Variants in ZNF365 observed in about 807,000 individuals in gnomAD.
ZNF365 encodes the protein zinc finger protein 365.
ZNF365 carries 22 observed loss-of-function variants against 35.0 expected under a neutral mutation model. The observed-to-expected ratio is 0.63, with a 90% CI of 0.45 to 0.90. The LOEUF (loss-of-function observed/expected upper bound fraction) is 0.90. ZNF365 is among the 40% of genes least tolerant of loss of function. The pLI, the probability that ZNF365 is intolerant of heterozygous loss-of-function variation, is 0.00. For synonymous variants in ZNF365, 188 were observed against 196.2 expected (o/e 0.96, Z 0.35); for missense variants, 448 against 500.3 (o/e 0.90, Z 1.00).
intron 4 of ZNF365, among the ~76,000 whole-genome samples, chr10:62,466,424 C>G (rs962638331): frequency 1.3e-5 from 2 of 152,190 alleles, no homozygotes; most frequent in African/African-American, 2.4e-5. Flanking sequence ...CATTCACACA[C>G]CCCCTGCCAC....
intron 3 of ZNF365, among the ~76,000 whole-genome samples, chr10:62,427,625 A>T (rs1840270598): frequency 6.6e-6 from 1 of 151,968 alleles, no homozygotes; most frequent in Non-Finnish European, 1.5e-5. Context: ...ACCCCTTAAC[A>T]CTTGGTCATT....
In ZNF365 at chr10:62,401,166, A is replaced by G. The variant is rs1264523151; in HGVS notation, c.*1377A>G. 1 of 958,438 alleles carries G rather than the reference A, an allele frequency of 1.0e-6. No homozygotes were observed. Among genetic ancestry groups the G allele is most frequent in the Non-Finnish European group, 1.2e-6 (1 of 805,390 alleles). The allele number at this position is 958,438 out of a possible 1,614,324, so 59.4% of individuals were successfully genotyped here. On this transcript the variant is annotated 3_prime_UTR_variant, in exon 5 of 5. Transcript: ENST00000395254. ...TATATATAACACATACAAAATATAT[A>G]TGTTAAGTATATTAATAATTTATTT... is the stretch of plus-strand genomic sequence containing the variant.
chr10:62,397,743 G>A (rs541640576), intron 3 of ZNF365, among the ~76,000 whole-genome samples: 1 of 152,294 alleles, frequency 6.6e-6, no homozygotes, highest in African/African-American at 2.4e-5. Context: ...CTCATTTTAG[G>A]AATGATGTAT....
intron 3 of ZNF365, among the ~76,000 whole-genome samples, chr10:62,389,924 G>A (rs2034059210): frequency 6.6e-6 from 1 of 152,002 alleles, no homozygotes; most frequent in Non-Finnish European, 1.5e-5. Flanking sequence ...GCTTCTGAGG[G>A]GGAAGTCACA....
intron 2 of ZNF365, among the ~76,000 whole-genome samples, chr10:62,377,606 A>AAG (rs1167727407): frequency 6.6e-6 from 1 of 152,072 alleles, no homozygotes; most frequent in Non-Finnish European, 1.5e-5. Context: ...CCCACTTGCA[A>AAG]AGAGTTGAGA....
chr10:62,473,342 C>T (rs1309163467), intron 4 of ZNF365, among the ~76,000 whole-genome samples: 1 of 152,168 alleles, frequency 6.6e-6, no homozygotes, highest in Non-Finnish European at 1.5e-5. Context: ...GAAAGAAAGT[C>T]ATCAAACAGG....
At chr10:62,471,713 T>C (rs1476902875) in intron 4 of ZNF365, among the ~76,000 whole-genome samples, 3 of 152,202 alleles carry the variant, frequency 2.0e-5, no homozygotes, top group Non-Finnish European at 1.5e-5. Flanking sequence ...TATTCTCTAA[T>C]TTCCTGCATT....
chr10:62,388,500 A>T lies in ZNF365; in HGVS notation c.848A>T (p.Glu283Val). The T allele has an allele frequency of 2.5e-6, 4 of 1,614,214 alleles. No homozygotes were observed. The highest frequency in any genetic ancestry group is 3.4e-6 in the Non-Finnish European group (4 of 1,180,040). Residue 283 changes from glutamate (E) to valine (V), a missense_variant, in exon 3 of 5, where the codon GAA (glutamate) becomes GTA (valine). This residue lies in a region of ZNF365 where 362 missense variants were observed against 375.7 expected (regional missense o/e 0.96). Coordinates refer to ENST00000395254, the MANE Select transcript of ZNF365 (RefSeq NM_014951.3). ...ATTGAGAATCTGTTACAGCGGGTAG[A>T]ACTGGCGGAGAAGCAGCTTGAGTAC... ...DFIENLLQRVELAEKQLEYYQ... is the reference protein window; with the variant it reads ...DFIENLLQRVVLAEKQLEYYQ...
At chr10:62,375,145 G>A (rs1839297975) in intron 1 of ZNF365, among the ~76,000 whole-genome samples, 1 of 152,170 alleles carries the variant, frequency 6.6e-6, no homozygotes, top group African/African-American at 2.4e-5. Flanking sequence ...AACCTTTCAT[G>A]GAGGAATAGA....
Position 62,445,557 on chromosome 10 carries a change from A to T in ZNF365, c.925-14184A>T, listed in dbSNP as rs144110935. ...GCATGGAGAGCTTTGAAAAAGATGCAGATCCTGAGATCCCACCTATTGAAT... is the reference window on the plus strand; with the variant it reads ...GCATGGAGAGCTTTGAAAAAGATGCTGATCCTGAGATCCCACCTATTGAAT... On this transcript the variant is annotated intron_variant, in intron 3 of 4. Transcript: ENST00000395255. Among the ~76,000 whole-genome samples the T allele has an allele frequency of 3.5e-3, 527 of 152,292 alleles. 3 individuals are homozygous for T. The highest frequency in any genetic ancestry group is 0.01 in the Middle Eastern group (3 of 294).
intron 3 of ZNF365, among the ~76,000 whole-genome samples, chr10:62,412,361 C>T (rs568878902): frequency 1.3e-5 from 2 of 152,190 alleles, no homozygotes; most frequent in African/African-American, 4.8e-5. Context: ...GAAGAATTCC[C>T]CTTGAAAACC....
At chr10:62,417,446 A>C (rs979441772) in intron 3 of ZNF365, among the ~76,000 whole-genome samples, 1 of 152,060 alleles carries the variant, frequency 6.6e-6, no homozygotes, top group Non-Finnish European at 1.5e-5. Flanking sequence ...GTTCAGCTAC[A>C]GTTCATTCCT....
chr10:62,408,114 A>T (rs1164582795), intron 3 of ZNF365, among the ~76,000 whole-genome samples: 2 of 152,164 alleles, frequency 1.3e-5, no homozygotes, highest in African/African-American at 4.8e-5. Flanking sequence ...TTTACAACTT[A>T]CATCTGCTTT....
chr10:62,409,436 T>C (rs1425863416), intron 3 of ZNF365, among the ~76,000 whole-genome samples: 1 of 152,146 alleles, frequency 6.6e-6, no homozygotes, highest in Non-Finnish European at 1.5e-5. Context: ...CTAGAATCCG[T>C]CTCTGTTGCC....
chr10:62,438,613 C>G (rs1387987714), intron 3 of ZNF365, among the ~76,000 whole-genome samples: 2 of 152,160 alleles, frequency 1.3e-5, no homozygotes, highest in African/African-American at 4.8e-5. Flanking sequence ...TACAGAATAA[C>G]TGGCATTAAG....
At chr10:62,477,911 C>G (rs1841159229) in intron 4 of ZNF365, among the ~76,000 whole-genome samples, 1 of 152,164 alleles carries the variant, frequency 6.6e-6, no homozygotes, top group Admixed American at 6.5e-5. Context: ...ACAGGTGGCA[C>G]CACAGAGGTA....
intron 2 of ZNF365, among the ~76,000 whole-genome samples, chr10:62,381,672 C>T (rs565658919): frequency 3.2e-4 from 49 of 152,240 alleles, no homozygotes; most frequent in Middle Eastern, 3.4e-3. Flanking sequence ...GTGGCATCAT[C>T]AGTGTGGTCA....
chr10:62,390,051 C>T (rs1839601268), intron 3 of ZNF365, among the ~76,000 whole-genome samples: 1 of 151,984 alleles, frequency 6.6e-6, no homozygotes, highest in Non-Finnish European at 1.5e-5. Flanking sequence ...TTCATCCTGC[C>T]CTCTTAAGAG....
chr10:62,474,391 A>C (rs1480179254), intron 4 of ZNF365, among the ~76,000 whole-genome samples: 1 of 150,802 alleles, frequency 6.6e-6, no homozygotes, highest in Admixed American at 6.6e-5. Flanking sequence ...ATTCTGGTAA[A>C]TTATTTTTGT....
Sources: gnomAD v4.1 joint callset for allele counts (sites outside exome capture counted in the v4.1 genomes callset) on GRCh38, gnomAD v4.1.1 for gene constraint, gnomAD v4.1.1 regional missense constraint, MANE v1.5 for transcripts, NCBI Gene and HGNC (gene_info 2026-07-23, HGNC 2026-07-21) for gene names.